Variants in ABTB3 observed in about 807,000 individuals in gnomAD.
ABTB3 encodes ankyrin repeat- and BTB/POZ domain-containing protein 3.
chr12:107,620,522 G>A, the ABTB3 span, among the ~76,000 whole-genome samples: 3 of 152,134 alleles, frequency 2.0e-5, no homozygotes, highest in African/African-American at 4.8e-5. Flanking sequence ...GGAGAGGTGT[G>A]GGAGTTCAGG....
At chr12:107,515,008 C>T in the ABTB3 span, among the ~76,000 whole-genome samples, 42 of 152,322 alleles carry the variant, frequency 2.8e-4, no homozygotes, top group African/African-American at 8.7e-4. Context: ...TACACATGAT[C>T]TCATTTCGCT....
At chr12:107,363,819 G>A in the ABTB3 span, among the ~76,000 whole-genome samples, 1 of 152,164 alleles carries the variant, frequency 6.6e-6, no homozygotes, top group African/African-American at 2.4e-5. Context: ...TAGTATATCT[G>A]ATTGGTAAAA....
chr12:107,598,183 C>T, the ABTB3 span, among the ~76,000 whole-genome samples: 1 of 152,188 alleles, frequency 6.6e-6, no homozygotes, highest in Non-Finnish European at 1.5e-5. Flanking sequence ...AATCATCTGT[C>T]CCAGGAGGGT....
chr12:107,628,991 C>T, the ABTB3 span, among the ~76,000 whole-genome samples: 3 of 152,090 alleles, frequency 2.0e-5, no homozygotes, highest in Non-Finnish European at 2.9e-5. Flanking sequence ...CCTAGTGCTC[C>T]TTTCAGAAGA....
chr12:107,327,081 C>A, the ABTB3 span, among the ~76,000 whole-genome samples: 29 of 152,262 alleles, frequency 1.9e-4, no homozygotes, highest in South Asian at 1.0e-3. Flanking sequence ...AGTTCTTTCC[C>A]TTGAACCTTT....
At chr12:107,398,605 AGGGCACTGCAT>A in the ABTB3 span, among the ~76,000 whole-genome samples, 5 of 152,102 alleles carry the variant, frequency 3.3e-5, no homozygotes, top group African/African-American at 1.2e-4. Context: ...CTTGAATTCC[AGGGCACTGCAT>A]GGGCACTTGG....
chr12:107,372,624 G>C, the ABTB3 span, among the ~76,000 whole-genome samples: 1 of 152,186 alleles, frequency 6.6e-6, no homozygotes, highest in South Asian at 2.1e-4. Flanking sequence ...GCTCAGCTGC[G>C]TGGACTTCCT....
chr12:107,593,835 G>A, the ABTB3 span, among the ~76,000 whole-genome samples: 2 of 152,108 alleles, frequency 1.3e-5, no homozygotes, highest in African/African-American at 2.4e-5. Context: ...GCAGGACTAC[G>A]TCTATCTAGT....
chr12:107,635,409 C>G, the ABTB3 span: 23 of 1,605,186 alleles, frequency 1.4e-5, no homozygotes, highest in African/African-American at 1.9e-4. Context: ...TTCCCCCAGG[C>G]CTGTGTTGGC....
the ABTB3 span, among the ~76,000 whole-genome samples, chr12:107,580,269 A>G: frequency 2.6e-5 from 4 of 152,254 alleles, no homozygotes; most frequent in African/African-American, 7.2e-5. Flanking sequence ...ACAGGACTCA[A>G]GTGTCATTAT....
At chr12:107,530,644 T>A in the ABTB3 span, among the ~76,000 whole-genome samples, 26 of 152,268 alleles carry the variant, frequency 1.7e-4, no homozygotes, top group Non-Finnish European at 3.8e-4. Context: ...ATATGAGGAT[T>A]CTTTTTTTGG....
At chr12:107,474,376 C>T in the ABTB3 span, among the ~76,000 whole-genome samples, 9 of 152,194 alleles carry the variant, frequency 5.9e-5, no homozygotes, top group Non-Finnish European at 8.8e-5. Context: ...GCCCCTGGGA[C>T]GGAGCAGCAT....
the ABTB3 span, among the ~76,000 whole-genome samples, chr12:107,488,840 C>G: frequency 1.8e-4 from 27 of 152,074 alleles, no homozygotes; most frequent in South Asian, 1.0e-3. Context: ...TCAAAAAGAC[C>G]GTTGGAATGC....
the ABTB3 span, among the ~76,000 whole-genome samples, chr12:107,516,201 G>T: frequency 6.6e-6 from 1 of 151,520 alleles, no homozygotes; most frequent in African/African-American, 2.4e-5. Flanking sequence ...AAAATCTAAT[G>T]GTCATCTGTA....
the ABTB3 span, among the ~76,000 whole-genome samples, chr12:107,382,932 C>T: frequency 1.3e-5 from 2 of 152,164 alleles, no homozygotes; most frequent in Non-Finnish European, 2.9e-5. Flanking sequence ...AAAAAATCCT[C>T]GTAGCTGCTG....
chr12:107,569,788 T>A, the ABTB3 span, among the ~76,000 whole-genome samples: 39,418 of 152,166 alleles, frequency 0.26, 5,227 homozygotes, highest in East Asian at 0.33. Context: ...TCATACAGAC[T>A]TAGCCTGGAA....
chr12:107,601,084 C>T, the ABTB3 span, among the ~76,000 whole-genome samples: 3 of 152,124 alleles, frequency 2.0e-5, no homozygotes, highest in Non-Finnish European at 2.9e-5. Flanking sequence ...CATCACACAC[C>T]GTGCTAAGTG....
At chr12:107,639,221 AC>A in the ABTB3 span, among the ~76,000 whole-genome samples, 1 of 152,246 alleles carries the variant, frequency 6.6e-6, no homozygotes, top group African/African-American at 2.4e-5. Context: ...TTGCTCAAGC[AC>A]ACACACAGTT....
the ABTB3 span, among the ~76,000 whole-genome samples, chr12:107,578,937 G>A: frequency 1.3e-5 from 2 of 152,204 alleles, no homozygotes; most frequent in African/African-American, 4.8e-5. Context: ...TGCCTACAGT[G>A]TGCCAGGCAC....
Sources: allele counts gnomAD v4.1 joint callset (sites outside exome capture counted in the v4.1 genomes callset), GRCh38; gene constraint gnomAD v4.1.1; transcripts MANE v1.5; gene names NCBI Gene and HGNC (gene_info 2026-07-23, HGNC 2026-07-21).